The following DNAH14 variants were observed in gnomAD, a reference collection of about 807,000 sequenced individuals.
DNAH14 encodes the protein dynein axonemal heavy chain 14, also known as axonemal beta dynein heavy chain 14.
DNAH14 carries 478 observed loss-of-function variants against 520.9 expected under a neutral mutation model. The observed-to-expected ratio is 0.92, with a 90% confidence interval of 0.85 to 0.99. The LOEUF is 0.99. DNAH14 is among the 50% of genes least tolerant of loss of function. The pLI is 0.00. For missense variants in DNAH14, 4,831 were observed against 5,234.5 expected (o/e 0.92, Z 2.38); for synonymous variants, 1,581 against 1,757.2 (o/e 0.90, Z 2.51).
chr1:225,321,099 A>G (rs763902133), intron 61 of DNAH14, among the ~76,000 whole-genome samples: 3 of 152,228 alleles, frequency 2.0e-5, no homozygotes, highest in Admixed American at 2.0e-4. Context: ...CCAAGCTGAT[A>G]ATCTCAGAAA....
intron 27 of DNAH14, among the ~76,000 whole-genome samples, chr1:225,127,072 A>G (rs1346086895): frequency 7.9e-5 from 12 of 151,292 alleles, no homozygotes; most frequent in Non-Finnish European, 1.2e-4. Context: ...GGTCTGAGAG[A>G]CAGTTTGTTA....
intron 38 of DNAH14, among the ~76,000 whole-genome samples, chr1:225,202,155 C>T (rs751641570): frequency 2.4e-4 from 37 of 152,124 alleles, no homozygotes; most frequent in Non-Finnish European, 4.6e-4. Flanking sequence ...GGATTACAGG[C>T]GTGAGCCACC....
intron 23 of DNAH14, among the ~76,000 whole-genome samples, chr1:225,114,496 G>T (rs1300017081): frequency 3.9e-5 from 6 of 152,270 alleles, no homozygotes; most frequent in East Asian, 3.9e-4. Flanking sequence ...GCTTCAGCTG[G>T]TGTCTCAATA....
intron 36 of DNAH14, 92 bp from the exon 37 acceptor site, chr1:225,185,199 C>G: frequency 7.4e-7 from 1 of 1,349,550 alleles, no homozygotes; most frequent in Non-Finnish European, 9.8e-7. Flanking sequence ...ATTATAGCCA[C>G]AAAAAATAAA....
chr1:225,272,187 T>G, intron 51 of DNAH14, 114 bp downstream of exon 51: 1 of 1,081,164 alleles, frequency 9.2e-7, no homozygotes, highest in Non-Finnish European at 1.3e-6. Context: ...GTTGGTTAGT[T>G]TTGCTATTAG....
At chr1:225,026,347 G>T (rs1437742549) in intron 11 of DNAH14, among the ~76,000 whole-genome samples, 1 of 151,878 alleles carries the variant, frequency 6.6e-6, no homozygotes, top group East Asian at 1.9e-4. Context: ...CCAAAGTCTT[G>T]AAGATTTACT....
chr1:225,287,872 T>C (rs1261198616), intron 54 of DNAH14, among the ~76,000 whole-genome samples: 1 of 152,102 alleles, frequency 6.6e-6, no homozygotes, highest in Non-Finnish European at 1.5e-5. Flanking sequence ...GAGTTCACAG[T>C]GGCCAAAGCT....
At chr1:225,361,034 A>G (rs1410078391) in intron 75 of DNAH14, 143 bp downstream of exon 75, 9 of 774,874 alleles carry the variant, frequency 1.2e-5, no homozygotes, top group East Asian at 2.7e-5. Flanking sequence ...CCTATCTTAT[A>G]TTGGTTTTCT....
At chr1:225,251,023 G>A (rs571234751) in intron 43 of DNAH14, among the ~76,000 whole-genome samples, 3 of 152,192 alleles carry the variant, frequency 2.0e-5, no homozygotes, top group Non-Finnish European at 4.4e-5. Flanking sequence ...ATGGTATTTT[G>A]TTATGGCAGC....
At position 225,265,256 on chromosome 1, in the gene DNAH14, G is replaced by T. The variant is rs2093069610; in HGVS notation, c.7297G>T (p.Val2433Phe). ...LKNNDHKGVV[V>F]STINFSTNVT... is the part of the protein sequence containing the mutation. Reference sequence around the variant, plus strand: ...AAATAATGATCATAAAGGAGTTGTAGTCTCTACAATAAATTTTAGCACCAA... The same window carrying T: ...AAATAATGATCATAAAGGAGTTGTATTCTCTACAATAAATTTTAGCACCAA... The change falls in exon 48 of 86, where the codon GTC becomes TTC. Residue 2433 changes from valine (V) to phenylalanine (F), a missense_variant. Val to Phe is a conservative substitution (Grantham distance 50). Coordinates refer to ENST00000682510, the MANE Select transcript of DNAH14 (RefSeq NM_001367479.1). The T allele has an allele frequency of 1.3e-6, 2 of 1,540,232 alleles. No homozygotes were observed. The highest frequency in any genetic ancestry group is 2.8e-5 in the African/African-American group (2 of 72,236).
intron 42 of DNAH14, among the ~76,000 whole-genome samples, chr1:225,235,233 G>A (rs1354151550): frequency 1.3e-5 from 2 of 152,148 alleles, no homozygotes; most frequent in Admixed American, 1.3e-4. Context: ...CTAGTTTATT[G>A]AGAGTTTTAA....
At chr1:225,033,259 G>A (rs190661679) in intron 11 of DNAH14, among the ~76,000 whole-genome samples, 2 of 152,260 alleles carry the variant, frequency 1.3e-5, no homozygotes, top group East Asian at 3.9e-4. Context: ...TTTATATATG[G>A]TGTAAGGAAG....
intron 66 of DNAH14, among the ~76,000 whole-genome samples, chr1:225,334,160 CA>C (rs2094860721): frequency 1.3e-5 from 2 of 152,046 alleles, no homozygotes; most frequent in African/African-American, 2.4e-5. Context: ...AGATTGTAGC[CA>C]GGGGCAGTGG....
chr1:225,333,115 C>A lies in DNAH14; in HGVS notation c.9865-176C>A, dbSNP rs1033869392. 7.2e-5 allele frequency among the ~76,000 whole-genome samples: 11 copies of A among 152,286 alleles called. No homozygotes were observed. In the East Asian group the frequency reaches 1.9e-3, roughly 27 times the overall value. On this transcript the variant is annotated intron_variant, in intron 65 of 85. Transcript: ENST00000682510. ...CAAACCCAAGAATAAGACTAATTTT[C>A]CCCTCAGAAAACAGTTTATTTTTCA...
intron 69 of DNAH14, among the ~76,000 whole-genome samples, chr1:225,342,933 C>T (rs1187554185): frequency 1.3e-5 from 2 of 151,486 alleles, no homozygotes; most frequent in Non-Finnish European, 2.9e-5. Flanking sequence ...GTAGCCCATT[C>T]CTTATCATCC....
At chr1:225,067,510 G>A (rs1458876584) in intron 17 of DNAH14, among the ~76,000 whole-genome samples, 1 of 151,998 alleles carries the variant, frequency 6.6e-6, no homozygotes, top group African/African-American at 2.4e-5. Flanking sequence ...TCAAATGGTA[G>A]TTTCATCTTT....
chr1:224,932,879 G>T (rs1199499944), intron 1 of DNAH14, among the ~76,000 whole-genome samples: 1 of 151,966 alleles, frequency 6.6e-6, no homozygotes, highest in African/African-American at 2.4e-5. Context: ...CTCCAACTTT[G>T]TTCTTTTTGT....
At chr1:225,376,433 G>GA (rs112181933) in intron 78 of DNAH14, among the ~76,000 whole-genome samples, 1 of 151,142 alleles carries the variant, frequency 6.6e-6, no homozygotes, top group Non-Finnish European at 1.5e-5. Context: ...TCTCAAAAAA[G>GA]AAAAAAAAGT....
At chr1:224,978,076 G>A (rs1206346432) in intron 8 of DNAH14, among the ~76,000 whole-genome samples, 2 of 152,162 alleles carry the variant, frequency 1.3e-5, no homozygotes, top group African/African-American at 4.8e-5. Context: ...ATGTAAATTA[G>A]CACAACCATA....
Sources: allele counts gnomAD v4.1 joint callset (sites outside exome capture counted in the v4.1 genomes callset), GRCh38; gene constraint gnomAD v4.1.1; transcripts MANE v1.5; gene names NCBI Gene and HGNC (gene_info 2026-07-23, HGNC 2026-07-21).